Variants in NUDCD3 observed in about 807,000 individuals in gnomAD.
The protein encoded by NUDCD3 is NudC domain containing 3.
NUDCD3 carries 13 observed loss-of-function variants against 39.7 expected under a neutral mutation model. The observed-to-expected ratio is 0.33, with a 90% confidence interval of 0.21 to 0.52. The LOEUF (loss-of-function observed/expected upper bound fraction) is 0.52. Ranked by LOEUF, NUDCD3 falls within the 20% of genes least tolerant of loss-of-function variation. The probability of loss-of-function intolerance (pLI) is 0.96; values close to 1 mark genes in which losing one functional copy is unlikely to be tolerated. For synonymous variants in NUDCD3, 175 were observed against 172.4 expected (o/e 1.02, Z -0.12); for missense variants, 453 against 458.1 (o/e 0.99, Z 0.10).
At chr7:44,418,446 A>G (rs1799071375) in intron 3 of NUDCD3, among the ~76,000 whole-genome samples, 1 of 152,270 alleles carries the variant, frequency 6.6e-6, no homozygotes, top group Non-Finnish European at 1.5e-5. Flanking sequence ...CTCAAACCAC[A>G]GCTTTGCTAC....
chr7:44,449,161 T>A (rs1799741592), intron 2 of NUDCD3, among the ~76,000 whole-genome samples: 1 of 152,084 alleles, frequency 6.6e-6, no homozygotes, highest in Admixed American at 6.5e-5. Context: ...ATTATAGATA[T>A]AATCTTGAGA....
At chr7:44,445,455 A>G (rs1799674508) in intron 2 of NUDCD3, among the ~76,000 whole-genome samples, 1 of 152,108 alleles carries the variant, frequency 6.6e-6, no homozygotes, top group South Asian at 2.1e-4. Flanking sequence ...GCATCCCTTT[A>G]ATGGTATCAT....
intron 1 of NUDCD3, among the ~76,000 whole-genome samples, chr7:44,489,047 G>A (rs1238173910): frequency 6.6e-6 from 1 of 152,156 alleles, no homozygotes; most frequent in Non-Finnish European, 1.5e-5. Flanking sequence ...TCCTACTATG[G>A]AATGGTTAAA....
chr7:44,419,029 T>C (rs1799083463), intron 3 of NUDCD3, among the ~76,000 whole-genome samples: 1 of 152,048 alleles, frequency 6.6e-6, no homozygotes, highest in Non-Finnish European at 1.5e-5. Context: ...TTTTTTTGTT[T>C]GGTTTTTGTT....
Position 44,385,394 on chromosome 7 carries a change from A to G in NUDCD3, c.*617T>C, listed in dbSNP as rs1376265144. On this transcript the variant is annotated 3_prime_UTR_variant, in exon 6 of 6. Transcript: ENST00000355451. ...CTTTCTCCGAACAACTAGAACGTGCAAACAGGGCTCCAGTCTCCACTGCTC... is the reference window on the plus strand; with the variant it reads ...CTTTCTCCGAACAACTAGAACGTGCGAACAGGGCTCCAGTCTCCACTGCTC... The G allele has an allele frequency of 1.3e-5, 2 of 152,366 alleles. No homozygotes were observed. Among genetic ancestry groups the G allele is most frequent in the Non-Finnish European group, 2.9e-5 (2 of 68,164 alleles). The allele number at this position is 152,366 out of a possible 1,614,324, so 9.4% of individuals were successfully genotyped here.
chr7:44,385,773 TCAAA>T lies in NUDCD3; in HGVS notation c.*234_*237del, dbSNP rs928722461. 30 of 506,056 alleles carry T rather than the reference TCAAA, an allele frequency of 5.9e-5. No homozygotes were observed. Among genetic ancestry groups the T allele is most frequent in the African/African-American group, 5.0e-4 (26 of 51,580 alleles). The allele number at this position is 506,056 out of a possible 1,614,324, so 31.3% of individuals were successfully genotyped here. A position where few individuals can be genotyped will look rare whatever the true frequency, so the allele number is the denominator to read the frequency against. ...TTGCTGGGATATCCTCTCCTGCATTTCAAACACCTTCACTCAGTGTCAGCCACAG... is the reference window on the plus strand; with the variant it reads ...TTGCTGGGATATCCTCTCCTGCATTTCACCTTCACTCAGTGTCAGCCACAG... On this transcript the variant is annotated 3_prime_UTR_variant, in exon 6 of 6. Coordinates refer to ENST00000355451, the MANE Select transcript of NUDCD3 (RefSeq NM_015332.4).
At chr7:44,488,432 T>A (rs1800663651) in intron 1 of NUDCD3, among the ~76,000 whole-genome samples, 1 of 151,788 alleles carries the variant, frequency 6.6e-6, no homozygotes, top group South Asian at 2.1e-4. Context: ...CTCTTAAGCA[T>A]CTGCTGGAGA....
intron 2 of NUDCD3, among the ~76,000 whole-genome samples, chr7:44,481,803 G>A (rs942798267): frequency 6.6e-6 from 1 of 152,188 alleles, no homozygotes; most frequent in African/African-American, 2.4e-5. Flanking sequence ...CCAAGATATT[G>A]GGATGAGTAC....
At chr7:44,395,071 C>G (rs6963432) in intron 4 of NUDCD3, among the ~76,000 whole-genome samples, 32,015 of 152,196 alleles carry the variant, frequency 0.21, 3,708 homozygotes, top group African/African-American at 0.26. Flanking sequence ...AGAAATACTT[C>G]ATCTGTGTTC....
chr7:44,404,877 A>C (rs1798789875), intron 3 of NUDCD3, among the ~76,000 whole-genome samples: 1 of 152,194 alleles, frequency 6.6e-6, no homozygotes, highest in South Asian at 2.1e-4. Context: ...TTCTCCAGTT[A>C]ACGGAGACCA....
At chr7:44,409,765 C>T (rs1309758419) in intron 3 of NUDCD3, among the ~76,000 whole-genome samples, 5 of 151,960 alleles carry the variant, frequency 3.3e-5, no homozygotes, top group Admixed American at 1.3e-4. Flanking sequence ...ATGGGAATAA[C>T]GTCTTTTAAG....
chr7:44,432,468 G>A (rs1033573232), intron 2 of NUDCD3, among the ~76,000 whole-genome samples: 5 of 152,230 alleles, frequency 3.3e-5, no homozygotes, highest in African/African-American at 1.2e-4. Flanking sequence ...TCCAGAGAGA[G>A]AATGCCTATG....
At chr7:44,490,299 G>C in intron 1 of NUDCD3, 110 bp downstream of exon 1, 1 of 1,077,020 alleles carries the variant, frequency 9.3e-7, no homozygotes, top group Non-Finnish European at 1.3e-6. Flanking sequence ...TCAACCCCAG[G>C]ACACCAGGAA....
At chr7:44,386,183 G>C in intron 5 of NUDCD3, 62 bp from the exon 6 acceptor site, 1 of 1,569,378 alleles carries the variant, frequency 6.4e-7, no homozygotes, top group South Asian at 1.1e-5. Flanking sequence ...TTCTCCCAGA[G>C]CAGACTCTGA....
intron 3 of NUDCD3, among the ~76,000 whole-genome samples, chr7:44,425,208 T>G (rs1318808723): frequency 2.6e-5 from 4 of 152,134 alleles, no homozygotes; most frequent in Admixed American, 2.6e-4. Context: ...GCTTAAAACC[T>G]AGATGACGGG....
chr7:44,424,242 T>A (rs1212156365), intron 3 of NUDCD3, among the ~76,000 whole-genome samples: 1 of 152,126 alleles, frequency 6.6e-6, no homozygotes, highest in Non-Finnish European at 1.5e-5. Context: ...GGCAAAGACT[T>A]CATGACTAAA....
At chr7:44,454,240 G>A (rs1585089626) in intron 2 of NUDCD3, among the ~76,000 whole-genome samples, 1 of 152,288 alleles carries the variant, frequency 6.6e-6, no homozygotes, top group East Asian at 1.9e-4. Flanking sequence ...TGGGGAGGCT[G>A]AGGCAGGAGA....
chr7:44,489,387 C>A (rs1384583567), intron 1 of NUDCD3, among the ~76,000 whole-genome samples: 2 of 152,198 alleles, frequency 1.3e-5, no homozygotes, highest in Non-Finnish European at 2.9e-5. Flanking sequence ...TGGTAGCTAC[C>A]AAGACATTCA....
chr7:44,484,981 G>C lies in NUDCD3; in HGVS notation c.496C>G (p.Pro166Ala), dbSNP rs1232870515. Reference sequence around the variant, plus strand: ...AGAAATTCCCACCTGGGAAGAATTGGTGGTTCCCTAGGGACTTCAGCAGCA... The same window carrying C: ...AGAAATTCCCACCTGGGAAGAATTGCTGGTTCCCTAGGGACTTCAGCAGCA... Reference protein sequence around the residue: ...AGAAEVPREPPILPRIQEQFQ... With the variant: ...AGAAEVPREPAILPRIQEQFQ... Residue 166 changes from proline to alanine, a missense_variant, in exon 2 of 6, where the codon CCA becomes GCA. Pro to Ala is a conservative substitution (Grantham distance 27). Transcript: ENST00000355451. 1.9e-6 allele frequency: 3 copies of C among 1,600,668 alleles called. No individual in the cohort carries two copies. The highest frequency in any genetic ancestry group is 4.5e-5 in the East Asian group (2 of 44,654).
Sources: allele counts gnomAD v4.1 joint callset (sites outside exome capture counted in the v4.1 genomes callset), GRCh38; gene constraint gnomAD v4.1.1; transcripts MANE v1.5; gene names NCBI Gene and HGNC (gene_info 2026-07-23, HGNC 2026-07-21).